The following GLB1 variants were observed in gnomAD, a reference collection of about 807,000 sequenced individuals.
GLB1 encodes the protein beta-galactosidase.
Under a neutral mutation model 74.0 loss-of-function variants are expected in GLB1, and 56 were observed. The ratio of observed to expected loss-of-function variants is 0.76; its 90% confidence interval spans 0.61 to 0.94. The LOEUF (loss-of-function observed/expected upper bound fraction) is 0.94. Among genes scored for constraint, GLB1 ranks in the 40% least tolerant of loss-of-function variants. The pLI is 0.00. For missense variants in GLB1, 787 were observed against 845.5 expected (o/e 0.93, Z 0.86); for synonymous variants, 323 against 323.6 (o/e 1.00, Z 0.02).
chr3:33,058,889 T>C (rs1364971220), intron 5 of GLB1, among the ~76,000 whole-genome samples: 2 of 152,266 alleles, frequency 1.3e-5, no homozygotes, highest in Non-Finnish European at 2.9e-5. Context: ...TTTGACCTGC[T>C]GTCACACACA....
chr3:32,972,151 A>G, the GLB1 span, among the ~76,000 whole-genome samples: 1 of 152,108 alleles, frequency 6.6e-6, no homozygotes, highest in Admixed American at 6.5e-5. Flanking sequence ...GGGGTACCGT[A>G]CCCCCATCTA....
At chr3:33,044,758 AAAACCATACCATTTATAGGCAG>A (rs1156575486) in intron 10 of GLB1, among the ~76,000 whole-genome samples, 3 of 152,190 alleles carry the variant, frequency 2.0e-5, no homozygotes, top group Non-Finnish European at 4.4e-5. Flanking sequence ...TAAAACAAAA[AAAACCATACCATTTATAGGCAG>A]AAAACCTTTG....
rs546300758 is a variant in GLB1, at chr3:33,087,286, G to C, written c.75+9725C>G. 2.4e-3 allele frequency among the ~76,000 whole-genome samples: 359 copies of C among 152,118 alleles called. 3 individuals carry two copies. The highest frequency in any genetic ancestry group is 4.2e-3 in the Admixed American group (64 of 15,272). Reference sequence around the variant, plus strand: ...TGAATCAGTCATCAAAAACCTCAAAGAGGCCGGGTACGGTGGCTCCCGCCT... The same window carrying C: ...TGAATCAGTCATCAAAAACCTCAAACAGGCCGGGTACGGTGGCTCCCGCCT... On this transcript the variant is annotated intron_variant, in intron 1 of 15. Transcript: ENST00000307363.
In GLB1 at chr3:33,002,802, G is replaced by A. The variant is rs533824725; in HGVS notation, c.1735-5458C>T. ...TAAGCTCAGGGTGAATGCTGCCTTT[G>A]TCACACTCTGAAAGAAAACATTTAG... is the stretch of plus-strand genomic sequence containing the variant. On this transcript the variant is annotated intron_variant, in intron 15 of 15. Transcript: ENST00000307363. Among the ~76,000 whole-genome samples the A allele has an allele frequency of 5.3e-5, 8 of 152,252 alleles. No homozygotes were observed. In the East Asian group the frequency reaches 1.4e-3, roughly 26 times the overall value.
the GLB1 span, among the ~76,000 whole-genome samples, chr3:32,977,856 G>C: frequency 6.6e-6 from 1 of 152,122 alleles, no homozygotes; most frequent in Non-Finnish European, 1.5e-5. Flanking sequence ...TTTACTATCT[G>C]TTCTATTCAT....
chr3:33,090,276 T>C, intron 1 of GLB1: 1 of 511,842 alleles, frequency 2.0e-6, no homozygotes, highest in Non-Finnish European at 2.5e-6. Context: ...AGCCAAAAAA[T>C]AAAGAGTACA....
intron 7 of GLB1, among the ~76,000 whole-genome samples, chr3:33,053,200 G>A (rs181039531): frequency 1.3e-5 from 2 of 152,322 alleles, no homozygotes; most frequent in East Asian, 1.9e-4. Flanking sequence ...GACCACTTAT[G>A]AGAGTTGCCC....
At chr3:32,968,522 AG>A in the GLB1 span, among the ~76,000 whole-genome samples, 1 of 152,224 alleles carries the variant, frequency 6.6e-6, no homozygotes, top group Non-Finnish European at 1.5e-5. Flanking sequence ...ATGGCTTAGT[AG>A]TGAACAAAAG....
In GLB1 at chr3:33,051,922, G is replaced by C. The variant is rs368139032; in HGVS notation, c.875C>G (p.Ser292Cys). 24 of 1,614,104 alleles carry C rather than the reference G, an allele frequency of 1.5e-5. No homozygotes were observed. In the African/African-American group the frequency reaches 2.8e-4, roughly 19 times the overall value. The stretch of plus-strand genomic sequence containing the variant: ...CCCACGGGCAAGTATATCATAGAGG[G>C]AGGAAGCCACTGCTTCGGTCTTGAT... Reference protein sequence around the residue: ...STIKTEAVASSLYDILARGAS... With the variant: ...STIKTEAVASCLYDILARGAS... The change falls in exon 8 of 16, where the codon TCC becomes TGC. Residue 292 changes from serine to cysteine, a missense_variant. Coordinates refer to ENST00000307363, the MANE Select transcript of GLB1 (RefSeq NM_000404.4).
At chr3:33,066,016 T>C (rs59045189) in intron 4 of GLB1, among the ~76,000 whole-genome samples, 15,732 of 149,978 alleles carry the variant, frequency 0.1, 2,543 homozygotes, top group African/African-American at 0.35. Context: ...GAGACACCAG[T>C]GCAGCCTTAT....
intron 5 of GLB1, among the ~76,000 whole-genome samples, chr3:33,059,810 T>C (rs1480469936): frequency 2.0e-5 from 3 of 152,142 alleles, no homozygotes; most frequent in East Asian, 1.9e-4. Flanking sequence ...TTATAAAAAA[T>C]TAAAAAATAC....
intron 5 of GLB1, among the ~76,000 whole-genome samples, chr3:33,062,347 T>C (rs2125538907): frequency 6.6e-6 from 1 of 152,202 alleles, no homozygotes; most frequent in Admixed American, 6.5e-5. Context: ...TTTAAATTTT[T>C]TGTAGAGATG....
intron 10 of GLB1, among the ~76,000 whole-genome samples, chr3:33,027,735 T>C (rs765868630): frequency 9.2e-5 from 14 of 152,042 alleles, no homozygotes; most frequent in Middle Eastern, 3.4e-3. Flanking sequence ...TGAGCTGAGA[T>C]TGCACCACTG....
intron 4 of GLB1, 82 bp downstream of exon 4, chr3:33,068,148 A>T: frequency 6.3e-7 from 1 of 1,599,932 alleles, no homozygotes; most frequent in Non-Finnish European, 8.6e-7. Context: ...CAGCCTCCCA[A>T]AGTGTCAGGA....
At chr3:33,063,186 A>G (rs1313134832) in intron 5 of GLB1, among the ~76,000 whole-genome samples, 2 of 152,176 alleles carry the variant, frequency 1.3e-5, no homozygotes, top group Admixed American at 6.6e-5. Flanking sequence ...ATGACAAAGA[A>G]TGAAGCAAAA....
chr3:33,070,911 G>A (rs1029045865), intron 2 of GLB1, among the ~76,000 whole-genome samples: 7 of 152,100 alleles, frequency 4.6e-5, no homozygotes, highest in African/African-American at 1.7e-4. Flanking sequence ...GGAAAAATAA[G>A]AATATTTTGC....
the GLB1 span, among the ~76,000 whole-genome samples, chr3:32,980,419 G>A: frequency 6.6e-6 from 1 of 152,298 alleles, no homozygotes; most frequent in South Asian, 2.1e-4. Context: ...ACACATTTAA[G>A]GCTATAACTT....
At chr3:33,004,727 C>T (rs749003696) in intron 15 of GLB1, among the ~76,000 whole-genome samples, 7 of 152,148 alleles carry the variant, frequency 4.6e-5, no homozygotes, top group Non-Finnish European at 7.4e-5. Context: ...GGACCGCCCT[C>T]CCTCCCTACT....
chr3:33,041,661 CAAAA>C (rs58227885), intron 10 of GLB1, among the ~76,000 whole-genome samples: 1 of 99,352 alleles, frequency 1.0e-5, no homozygotes, highest in African/African-American at 4.1e-5. Flanking sequence ...ACCCTGTCTT[CAAAA>C]AAAAAAAAAA....
Sources: gnomAD v4.1 joint callset for allele counts (sites outside exome capture counted in the v4.1 genomes callset) on GRCh38, gnomAD v4.1.1 for gene constraint, MANE v1.5 for transcripts, NCBI Gene and HGNC (gene_info 2026-07-23, HGNC 2026-07-21) for gene names.